LMX1B: variants seen among roughly 807,000 people sequenced by gnomAD.
The protein encoded by LMX1B is LIM homeobox transcription factor 1 beta.
In LMX1B, 12 loss-of-function variants were observed where a neutral mutation model predicts 51.4. The ratio of observed to expected loss-of-function variants is 0.23; its 90% CI spans 0.15 to 0.38. The LOEUF is 0.38. Among genes scored for constraint, LMX1B ranks in the 10% least tolerant of loss-of-function variants. The pLI is 1.00. For synonymous variants in LMX1B, 237 were observed against 235.4 expected (o/e 1.01, Z -0.06); for missense variants, 445 against 571.1 (o/e 0.78, Z 2.25).
intron 2 of LMX1B, among the ~76,000 whole-genome samples, chr9:126,667,101 C>T (rs1836354712): frequency 6.6e-6 from 1 of 152,202 alleles, no homozygotes; most frequent in Admixed American, 6.5e-5. Context: ...CATCCGTTCC[C>T]TCACCCCTTT....
chr9:126,619,245 T>G (rs1835363028), intron 2 of LMX1B, among the ~76,000 whole-genome samples: 2 of 152,208 alleles, frequency 1.3e-5, no homozygotes, highest in African/African-American at 4.8e-5. Flanking sequence ...TTGGAAGTGT[T>G]TACCCCGGGA....
chr9:126,638,831 T>C (rs1391092481), intron 2 of LMX1B, among the ~76,000 whole-genome samples: 2 of 151,998 alleles, frequency 1.3e-5, no homozygotes, highest in Non-Finnish European at 2.9e-5. Flanking sequence ...CCTCACACAA[T>C]AGCGCTGTCA....
intron 2 of LMX1B, among the ~76,000 whole-genome samples, chr9:126,619,316 G>T (rs945855668): frequency 6.6e-6 from 1 of 152,184 alleles, no homozygotes; most frequent in Non-Finnish European, 1.5e-5. Flanking sequence ...CCGCGTTCGG[G>T]TGTGGCCCAG....
At chr9:126,643,398 T>C (rs1012054335) in intron 2 of LMX1B, among the ~76,000 whole-genome samples, 5 of 152,240 alleles carry the variant, frequency 3.3e-5, no homozygotes, top group African/African-American at 1.2e-4. Context: ...GACTCGGCAG[T>C]GTGACCCTGG....
Position 126,615,706 on chromosome 9 carries a change from G to A in LMX1B, c.326+137G>A, listed in dbSNP as rs911016891. On this transcript the variant is annotated intron_variant, in intron 2 of 7. Transcript: ENST00000373474. This position sits in a 1 kb window ranked among gnomAD's most constrained non-coding sequence, Gnocchi z 6.0. ...CCGGGCAGCTCCAAGGGTTCCGAGAGCTGCGCGTCTTGGGGCTGGGGCGGA... is the reference window on the plus strand; with the variant it reads ...CCGGGCAGCTCCAAGGGTTCCGAGAACTGCGCGTCTTGGGGCTGGGGCGGA... 1 of 765,580 alleles carries A rather than the reference G, an allele frequency of 1.3e-6. No homozygotes were observed. The highest frequency in any genetic ancestry group is 1.9e-6 in the Non-Finnish European group (1 of 515,990). 47.4% of individuals were successfully genotyped at this position (765,580 alleles called of 1,614,324 possible). A position where few individuals can be genotyped will look rare whatever the true frequency, so the allele number is the denominator to read the frequency against.
In LMX1B at chr9:126,658,997, T is replaced by C. The variant is rs1179771145; in HGVS notation, c.327-31839T>C. 1.3e-5 allele frequency among the ~76,000 whole-genome samples: 2 copies of C among 152,186 alleles called. No homozygotes were observed. The highest frequency in any genetic ancestry group is 2.4e-5 in the African/African-American group (1 of 41,456). Reference sequence around the variant, plus strand: ...GGGTGGGAGGGACCCTTCAGGGGGCTGAGAGGCGGGTGTTCTGGGGCTGGG... The same window carrying C: ...GGGTGGGAGGGACCCTTCAGGGGGCCGAGAGGCGGGTGTTCTGGGGCTGGG... On this transcript the variant is annotated intron_variant, in intron 2 of 7. Coordinates refer to ENST00000373474, the MANE Select transcript of LMX1B (RefSeq NM_001174147.2). The surrounding 1 kb of genome is among the most constrained non-coding windows in gnomAD (Gnocchi z 4.0).
intron 2 of LMX1B, among the ~76,000 whole-genome samples, chr9:126,648,266 G>A (rs75188493): frequency 3.9e-5 from 6 of 152,330 alleles, no homozygotes; most frequent in African/African-American, 1.4e-4. Flanking sequence ...GGGAACATTA[G>A]TGAACCCAGG....
rs755608375 is a variant in LMX1B, at chr9:126,682,081, G to GCCTTTTTTTTT, written c.327-8755_327-8754insCCTTTTTTTTT. 4.1e-3 allele frequency among the ~76,000 whole-genome samples: 331 copies of GCCTTTTTTTTT among 81,148 alleles called. 19 individuals are homozygous for GCCTTTTTTTTT. Among genetic ancestry groups the GCCTTTTTTTTT allele is most frequent in the Middle Eastern group, 9.8e-3 (1 of 102 alleles). The allele number at this position is 81,148 out of a possible 152,430, so 53.2% of individuals were successfully genotyped here. On this transcript the variant is annotated intron_variant, in intron 2 of 7. Transcript: ENST00000373474. ...TACTTGCAGATACTTGGTCCCCAGGGTCTTTTTTTTTTTTTTTTTTTTTTT... is the reference window on the plus strand; with the variant it reads ...TACTTGCAGATACTTGGTCCCCAGGGCCTTTTTTTTTTCTTTTTTTTTTTTTTTTTTTTTTT...
chr9:126,658,669 G>A lies in LMX1B; in HGVS notation c.327-32167G>A, dbSNP rs185419098. On this transcript the variant is annotated intron_variant, in intron 2 of 7. Transcript: ENST00000373474. This position sits in a 1 kb window ranked among gnomAD's most constrained non-coding sequence, Gnocchi z 4.0. ...AATAGTTAGGGGAAGGCCCCCGAAC[G>A]AGGCAGCTTTATAAATGGCTTTTAT... Among the ~76,000 whole-genome samples the A allele has an allele frequency of 3.7e-4, 56 of 152,324 alleles. No homozygotes were observed. The highest frequency in any genetic ancestry group is 5.5e-4 in the African/African-American group (23 of 41,572).
At chr9:126,643,111 CAGCTTG>C in intron 2 of LMX1B, among the ~76,000 whole-genome samples, 1 of 152,192 alleles carries the variant, frequency 6.6e-6, no homozygotes, top group Non-Finnish European at 1.5e-5. Context: ...AAGATCTTCA[CAGCTTG>C]TTATCCCGGG....
intron 2 of LMX1B, among the ~76,000 whole-genome samples, chr9:126,668,010 G>A (rs970153025): frequency 1.3e-5 from 2 of 152,220 alleles, no homozygotes; most frequent in Non-Finnish European, 2.9e-5. Flanking sequence ...AGGTGATGAT[G>A]TGGTCCCACT....
intron 4 of LMX1B, 70 bp downstream of exon 4, chr9:126,693,393 C>G: frequency 6.4e-7 from 1 of 1,552,136 alleles, no homozygotes; most frequent in Admixed American, 1.8e-5. Context: ...GAGACCACCC[C>G]CTGCTCCTGC....
At chr9:126,644,602 G>A (rs900772732) in intron 2 of LMX1B, among the ~76,000 whole-genome samples, 1 of 152,170 alleles carries the variant, frequency 6.6e-6, no homozygotes, top group Non-Finnish European at 1.5e-5. Context: ...ATTATAGAGT[G>A]AAATGCTCAG....
intron 2 of LMX1B, among the ~76,000 whole-genome samples, chr9:126,683,804 GA>G (rs2118973198): frequency 6.6e-6 from 1 of 152,358 alleles, no homozygotes; most frequent in African/African-American, 2.4e-5. Flanking sequence ...AGAGAGCGGA[GA>G]GGGCTTGTCC....
chr9:126,634,831 G>C (rs1835688210), intron 2 of LMX1B, among the ~76,000 whole-genome samples: 1 of 152,150 alleles, frequency 6.6e-6, no homozygotes, highest in South Asian at 2.1e-4. Context: ...GTGACATTTG[G>C]AGTCACGAAA....
chr9:126,641,623 C>G lies in LMX1B; in HGVS notation c.326+26054C>G, dbSNP rs1254982209. ...CACCTCCCGCTTCTGTTCAGCAGCTCAAGTTTCTGTCCTTGAGCCAGTCCC... is the reference window on the plus strand; with the variant it reads ...CACCTCCCGCTTCTGTTCAGCAGCTGAAGTTTCTGTCCTTGAGCCAGTCCC... On this transcript the variant is annotated intron_variant, in intron 2 of 7. Transcript: ENST00000373474. The surrounding 1 kb of genome is among the most constrained non-coding windows in gnomAD (Gnocchi z 4.1). 6.6e-6 allele frequency among the ~76,000 whole-genome samples: 1 copy of G among 152,140 alleles called. No individual in the cohort carries two copies. The highest frequency in any genetic ancestry group is 1.5e-5 in the Non-Finnish European group (1 of 68,028).
chr9:126,637,534 CTGTG>C (rs1370894835), intron 2 of LMX1B, among the ~76,000 whole-genome samples: 1 of 152,052 alleles, frequency 6.6e-6, no homozygotes, highest in African/African-American at 2.4e-5. Flanking sequence ...CCTGAGGATG[CTGTG>C]TGAGTCTGGG....
chr9:126,691,363 A>G (rs1162515317), intron 3 of LMX1B, among the ~76,000 whole-genome samples: 1 of 152,084 alleles, frequency 6.6e-6, no homozygotes, highest in African/African-American at 2.4e-5. Flanking sequence ...GAATACCCCT[A>G]CCCTGAGTAT....
At chr9:126,635,111 A>G (rs964204368) in intron 2 of LMX1B, among the ~76,000 whole-genome samples, 2 of 152,126 alleles carry the variant, frequency 1.3e-5, no homozygotes, top group African/African-American at 2.4e-5. Context: ...TTCCCATTTC[A>G]CAGATGAGGG....
Sources: allele counts gnomAD v4.1 joint callset (sites outside exome capture counted in the v4.1 genomes callset), GRCh38; gene constraint gnomAD v4.1.1; non-coding constraint Gnocchi (gnomAD v3.1); transcripts MANE v1.5; gene names NCBI Gene and HGNC (gene_info 2026-07-23, HGNC 2026-07-21).